TANGO2: variants seen among roughly 807,000 people sequenced by gnomAD.
TANGO2 encodes the protein transport and golgi organization 2 homolog.
TANGO2 carries 26 observed loss-of-function variants against 39.1 expected under a neutral mutation model. That is an observed-to-expected ratio of 0.67 (90% CI 0.49 to 0.92). The LOEUF is 0.92. Ranked by LOEUF, TANGO2 falls within the 40% of genes least tolerant of loss-of-function variation. The probability of loss-of-function intolerance (pLI) is 0.00; values close to 1 mark genes in which losing one functional copy is unlikely to be tolerated. For missense variants in TANGO2, 326 were observed against 360.1 expected, an observed-to-expected ratio of 0.91 and a Z score of 0.77; for synonymous variants, 131 against 144.5, an observed-to-expected ratio of 0.91 and a Z score of 0.67.
chr22:20,017,698 C>T (rs1263687573), upstream of TANGO2, among the ~76,000 whole-genome samples: 1 of 152,218 alleles, frequency 6.6e-6, no homozygotes, highest in Non-Finnish European at 1.5e-5. Context: ...AACGGTGCTT[C>T]ACTGCCTGTT....
chr22:20,050,065 G>A (rs895964531), intron 3 of TANGO2, among the ~76,000 whole-genome samples: 2 of 151,960 alleles, frequency 1.3e-5, no homozygotes, highest in Non-Finnish European at 2.9e-5. Flanking sequence ...GAAAAAATTA[G>A]CTAGGTGTGG....
At chr22:20,025,158 A>G (rs1385205821) in intron 1 of TANGO2, among the ~76,000 whole-genome samples, 1 of 148,652 alleles carries the variant, frequency 6.7e-6, no homozygotes, top group Non-Finnish European at 1.5e-5. Flanking sequence ...GTGACCTGAG[A>G]TCGTGCCACT....
chr22:20,023,143 A>G (rs1569222805), intron 1 of TANGO2, among the ~76,000 whole-genome samples: 1 of 152,228 alleles, frequency 6.6e-6, no homozygotes, highest in Admixed American at 6.5e-5. Context: ...GCTTAAAGAT[A>G]AAAAAGGCTG....
At chr22:20,053,222 T>A in intron 4 of TANGO2, 4 of 380,890 alleles carry the variant, frequency 1.1e-5, no homozygotes, top group South Asian at 6.4e-5. Context: ...AGTGGGGAAA[T>A]TTTTTTTTTA....
Position 20,057,113 on chromosome 22 carries a change from C to T in TANGO2, c.451+1100C>T, listed in dbSNP as rs568924700. 5.3e-4 allele frequency: 198 copies of T among 376,040 alleles called. 7 individuals carry two copies. Among genetic ancestry groups the T allele is most frequent in the South Asian group, 3.3e-3 (168 of 51,524 alleles). The allele number at this position is 376,040 out of a possible 1,614,324, so 23.3% of individuals were successfully genotyped here. On this transcript the variant is annotated intron_variant, in intron 6 of 8. Coordinates refer to ENST00000327374, the MANE Select transcript of TANGO2 (RefSeq NM_152906.7). The surrounding 1 kb of genome is among the most constrained non-coding windows in gnomAD (Gnocchi z 4.1). ...TGCACACCTTCCCACTGGGTGTACACGGTGGAACTGAAGCCCCAGGCGTCC... is the reference window on the plus strand; with the variant it reads ...TGCACACCTTCCCACTGGGTGTACATGGTGGAACTGAAGCCCCAGGCGTCC...
intron 1 of TANGO2, among the ~76,000 whole-genome samples, chr22:20,033,690 C>T (rs2146988334): frequency 6.6e-6 from 1 of 152,338 alleles, no homozygotes; most frequent in Admixed American, 6.5e-5. Context: ...AAGACCAGCT[C>T]CTCCAGAGTA....
At chr22:20,053,300 C>G in intron 4 of TANGO2, 137 bp from the exon 5 acceptor site, 1 of 625,282 alleles carries the variant, frequency 1.6e-6, no homozygotes, top group East Asian at 2.9e-5. Context: ...CTGACTCTTG[C>G]GGCAGTCATG....
At chr22:20,041,605 C>A (rs928171738) in intron 2 of TANGO2, among the ~76,000 whole-genome samples, 1 of 152,100 alleles carries the variant, frequency 6.6e-6, no homozygotes, top group African/African-American at 2.4e-5. Context: ...AGCCACCGGG[C>A]CCGGCCTAAT....
intron 3 of TANGO2, chr22:20,048,468 T>C (rs890170668): frequency 1.3e-5 from 2 of 152,176 alleles, no homozygotes; most frequent in Non-Finnish European, 2.9e-5. Flanking sequence ...TGAGTTTTAT[T>C]TATTTATTTA....
At chr22:20,046,379 C>T (rs913983266) in intron 3 of TANGO2, among the ~76,000 whole-genome samples, 20 of 151,992 alleles carry the variant, frequency 1.3e-4, no homozygotes, top group Non-Finnish European at 1.2e-4. Flanking sequence ...AAGTCCTGGC[C>T]TGAAGTGACC....
chr22:20,021,054 G>A (rs2039555776), upstream of TANGO2: 1 of 151,728 alleles, frequency 6.6e-6, no homozygotes, highest in Non-Finnish European at 1.5e-5. Flanking sequence ...TGAACGCGCC[G>A]GCTTCGGGCT....
chr22:20,037,518 C>T (rs1395222735), intron 2 of TANGO2, among the ~76,000 whole-genome samples: 1 of 152,160 alleles, frequency 6.6e-6, no homozygotes, highest in African/African-American at 2.4e-5. Context: ...AAATCTGTAC[C>T]AGAAATGATT....
rs1212736790 is a variant in TANGO2 at position 20,036,808 on chromosome 22, A to G, written c.10A>G (p.Ile4Val). The change falls in exon 2 of 9, where the codon ATC becomes GTC. Residue 4 changes from isoleucine (I) to valine (V), a missense_variant. Physicochemically the swap from Ile to Val is conservative, Grantham distance 29 (BLOSUM62 3). Coordinates refer to ENST00000327374, the MANE Select transcript of TANGO2 (RefSeq NM_152906.7). MCI[I>V]FFKFDPRPVS... is the part of the protein sequence containing the mutation. ...GCCGCCCTGCACCACCATGTGCATC[A>G]TCTTCTTTAAGTTTGATCCTCGCCC... 1.2e-6 allele frequency: 2 copies of G among 1,614,076 alleles called. No individual in the cohort carries two copies. Among genetic ancestry groups the G allele is most frequent in the East Asian group, 2.2e-5 (1 of 44,894 alleles).
chr22:20,058,811 A>G (rs951393084), intron 6 of TANGO2, among the ~76,000 whole-genome samples: 1 of 152,186 alleles, frequency 6.6e-6, no homozygotes, highest in African/African-American at 2.4e-5. Context: ...CCCAAGGTCC[A>G]TATCACACAA....
At chr22:20,042,640 C>A (rs1264647025) in intron 2 of TANGO2, among the ~76,000 whole-genome samples, 1 of 152,068 alleles carries the variant, frequency 6.6e-6, no homozygotes, top group African/African-American at 2.4e-5. Context: ...TGGCGGGTGC[C>A]TGTAATCCCA....
rs114653890 is a variant in TANGO2, at chr22:20,032,483, C to A, written c.-39-4277C>A. Among the ~76,000 whole-genome samples the A allele has an allele frequency of 2.0e-3, 311 of 152,380 alleles. 1 individual carries two copies. The highest frequency in any genetic ancestry group is 7.2e-3 in the African/African-American group (298 of 41,592). On this transcript the variant is annotated intron_variant, in intron 1 of 8. Coordinates refer to ENST00000327374, the MANE Select transcript of TANGO2 (RefSeq NM_152906.7). ...CTGACTGGACCCCAGACCCTCCTGCCTGCCTCTTCCTCCAGCTGCTCTTTG... is the reference window on the plus strand; with the variant it reads ...CTGACTGGACCCCAGACCCTCCTGCATGCCTCTTCCTCCAGCTGCTCTTTG...
In TANGO2 at chr22:20,035,989, G is replaced by T. The variant is rs761541607; in HGVS notation, c.-39-771G>T. On this transcript the variant is annotated intron_variant, in intron 1 of 8. Coordinates refer to ENST00000327374, the MANE Select transcript of TANGO2 (RefSeq NM_152906.7). ...TCCCCGCACTTAGTTGCCTTCACCC[G>T]AACCAAAGAAGTTCAGTCTAAGCTG... Among the ~76,000 whole-genome samples the T allele has an allele frequency of 3.3e-5, 5 of 152,184 alleles. No homozygotes were observed. In the South Asian group the frequency reaches 1.0e-3, roughly 32 times the overall value.
chr22:20,050,222 CA>C (rs992860255), intron 3 of TANGO2, among the ~76,000 whole-genome samples: 2 of 151,898 alleles, frequency 1.3e-5, no homozygotes, highest in Non-Finnish European at 2.9e-5. Flanking sequence ...CAAAAACAAA[CA>C]AAAAAACACT....
upstream of TANGO2, among the ~76,000 whole-genome samples, chr22:20,018,040 C>T (rs1182221366): frequency 6.6e-6 from 1 of 152,222 alleles, no homozygotes; most frequent in Non-Finnish European, 1.5e-5. Flanking sequence ...TTGTCTTATC[C>T]ACCCATATTG....
Sources: gnomAD v4.1 joint callset for allele counts (sites outside exome capture counted in the v4.1 genomes callset) on GRCh38, gnomAD v4.1.1 for gene constraint, Gnocchi (gnomAD v3.1) non-coding constraint, MANE v1.5 for transcripts, NCBI Gene and HGNC (gene_info 2026-07-23, HGNC 2026-07-21) for gene names.